Variants in TMEM171 observed in about 807,000 individuals in gnomAD.
TMEM171 encodes the protein proline-rich protein PRP2.
In TMEM171, 16 loss-of-function variants were observed where a neutral mutation model predicts 19.1. That is an observed-to-expected ratio of 0.84 (90% CI 0.57 to 1.27). TMEM171 has a LOEUF of 1.27. TMEM171 is among the 50% of genes most tolerant of loss of function. The pLI is 0.00. For missense variants in TMEM171, 429 were observed against 412.7 expected, an observed-to-expected ratio of 1.04 and a Z score of -0.34; for synonymous variants, 153 against 163.4, an observed-to-expected ratio of 0.94 and a Z score of 0.48.
intron 1 of TMEM171, among the ~76,000 whole-genome samples, chr5:73,121,470 G>A (rs1744006745): frequency 2.0e-5 from 3 of 152,130 alleles, no homozygotes; most frequent in Admixed American, 1.3e-4. Context: ...GAGAGTTTTG[G>A]AATGTACTCC....
At chr5:73,121,365 A>G (rs1287163900) in intron 1 of TMEM171, among the ~76,000 whole-genome samples, 1 of 152,218 alleles carries the variant, frequency 6.6e-6, no homozygotes, top group African/African-American at 2.4e-5. Flanking sequence ...AAACCGCAAA[A>G]GAGATTGCAT....
In TMEM171 at chr5:73,128,474, C is replaced by T. The variant is rs767508663; in HGVS notation, c.725C>T (p.Thr242Ile). ...SASAVAESPG[T>I]NSLLPNENPP... ...TCTGCGGTCGCTGAGAGTCCTGGAA[C>T]TAACAGTCTGCTTCCGAATGAAAAC... The change falls in exon 3 of 4, where the codon ACT becomes ATT. Residue 242 changes from threonine to isoleucine, a missense_variant. Physicochemically the swap from Thr to Ile is moderately conservative, Grantham distance 89 (BLOSUM62 -1). Coordinates refer to ENST00000454765, the MANE Select transcript of TMEM171 (RefSeq NM_173490.8). 4.3e-6 allele frequency: 7 copies of T among 1,614,002 alleles called. No individual in the cohort carries two copies. Among genetic ancestry groups the T allele is most frequent in the African/African-American group, 1.3e-5 (1 of 74,898 alleles).
At chr5:73,126,613 T>C (rs1744169669) in intron 2 of TMEM171, among the ~76,000 whole-genome samples, 2 of 152,196 alleles carry the variant, frequency 1.3e-5, no homozygotes, top group African/African-American at 4.8e-5. Context: ...ATCTAGTCCT[T>C]CCTTCTATCT....
At chr5:73,127,658 TG>T (rs1339464299) in intron 2 of TMEM171, among the ~76,000 whole-genome samples, 2 of 151,542 alleles carry the variant, frequency 1.3e-5, no homozygotes, top group Non-Finnish European at 2.9e-5. Context: ...TTGGCCAGGC[TG>T]GTCTTGAACT....
intron 2 of TMEM171, among the ~76,000 whole-genome samples, chr5:73,124,522 C>A (rs1561512317): frequency 6.6e-6 from 1 of 152,198 alleles, no homozygotes; most frequent in Non-Finnish European, 1.5e-5. Context: ...TGAGCAGTGC[C>A]TCTCTAAGAT....
Position 73,131,775 on chromosome 5 carries a change from T to A in TMEM171, c.*45T>A. 6.9e-7 allele frequency: 1 copy of A among 1,458,686 alleles called. No individual in the cohort carries two copies. The highest frequency in any genetic ancestry group is 9.1e-7 in the Non-Finnish European group (1 of 1,095,914). The allele number at this position is 1,458,686 out of a possible 1,614,324, so 90.4% of individuals were successfully genotyped here. A position where few individuals can be genotyped will look rare whatever the true frequency, so the allele number is the denominator to read the frequency against. ...TTTTATATGCAATGGATCACTATTT[T>A]ATTTAATTTTTTTTAAATAAAAAAT... On this transcript the variant is annotated 3_prime_UTR_variant, in exon 4 of 4. Coordinates refer to ENST00000454765, the MANE Select transcript of TMEM171 (RefSeq NM_173490.8).
chr5:73,120,877 C>A (rs563010862), intron 1 of TMEM171, among the ~76,000 whole-genome samples, 181 bp downstream of exon 1: 2 of 152,324 alleles, frequency 1.3e-5, no homozygotes, highest in African/African-American at 4.8e-5. Flanking sequence ...AGCCGCAAAC[C>A]GATTTCGCAC....
At chr5:73,123,208 C>A in intron 1 of TMEM171, 98 bp from the exon 2 acceptor site, 1 of 1,024,302 alleles carries the variant, frequency 9.8e-7, no homozygotes, top group Non-Finnish European at 1.4e-6. Context: ...ACCCCCAAGG[C>A]CTCATTGTGG....
chr5:73,126,041 A>G (rs1744154348), intron 2 of TMEM171, among the ~76,000 whole-genome samples: 1 of 152,204 alleles, frequency 6.6e-6, no homozygotes, highest in Admixed American at 6.5e-5. Flanking sequence ...TGAAAGACGC[A>G]TGAAAGGGAA....
In TMEM171 at chr5:73,131,649, T is replaced by C; in HGVS notation, c.894T>C (p.Ser298=). 3 of 1,614,046 alleles carry C rather than the reference T, an allele frequency of 1.9e-6. No homozygotes were observed. The highest frequency in any genetic ancestry group is 1.7e-6 in the Non-Finnish European group (2 of 1,179,966). The change falls in exon 4 of 4, where the codon TCT becomes TCC. Residue 298 remains serine, a synonymous_variant. Transcript: ENST00000454765. ...SEASHTPHLP[S]ELPPRYEEKE... is the part of the protein sequence containing the mutation. Reference sequence around the variant, plus strand: ...CCTCACACACTCCACATCTTCCATCTGAATTGCCTCCTAGATATGAAGAAA... The same window carrying C: ...CCTCACACACTCCACATCTTCCATCCGAATTGCCTCCTAGATATGAAGAAA...
At chr5:73,127,384 A>AAAAAAAAAAAAATATATATATATAT in intron 2 of TMEM171, among the ~76,000 whole-genome samples, 25 of 81,662 alleles carry the variant, frequency 3.1e-4, no homozygotes, top group Non-Finnish European at 5.5e-4. Flanking sequence ...AAAAAAAAAA[A>AAAAAAAAAAAAATATATATATATAT]ATATATATAT....
chr5:73,123,718 TG>T lies in TMEM171; in HGVS notation c.348del (p.Leu118CysfsTer3), dbSNP rs1223802609. 6.2e-7 allele frequency: 1 copy of T among 1,614,078 alleles called. No individual in the cohort carries two copies. Among genetic ancestry groups the T allele is most frequent in the Non-Finnish European group, 8.5e-7 (1 of 1,180,036 alleles). The stretch of plus-strand genomic sequence containing the variant: ...GCCAGTTTGCCCAGTGCCTTATCTT[TG>T]GGTTTCTGTTCTTGACAAGCGGCAT... ...SRQFAQCLIF[G>X]FLFLTSGMLI... On this transcript the variant is annotated frameshift_variant, in exon 2 of 4. Transcript: ENST00000454765. LOFTEE classifies it high-confidence loss of function.
rs768779831 is a variant in TMEM171 at position 73,131,761 on chromosome 5, A to G, written c.*31A>G. The stretch of plus-strand genomic sequence containing the variant: ...GGACTCTAGTTCAGTTTTATATGCA[A>G]TGGATCACTATTTTATTTAATTTTT... On this transcript the variant is annotated 3_prime_UTR_variant, in exon 4 of 4. Coordinates refer to ENST00000454765, the MANE Select transcript of TMEM171 (RefSeq NM_173490.8). 3.4e-5 allele frequency: 51 copies of G among 1,499,420 alleles called. No homozygotes were observed. The highest frequency in any genetic ancestry group is 4.6e-5 in the Non-Finnish European group (51 of 1,120,110). The allele number at this position is 1,499,420 out of a possible 1,614,324, so 92.9% of individuals were successfully genotyped here.
At position 73,128,393 on chromosome 5, in the gene TMEM171, A is replaced by G. The variant is rs750534089; in HGVS notation, c.644A>G (p.Asp215Gly). The stretch of plus-strand genomic sequence containing the variant: ...ACTAAATATTGTTTTGCCTTAGGTG[A>G]CTCGGTAATAATATTTCCACCCCCT... ...IMEPVQVTVG[D>G]SVIIFPPPPP... Residue 215 changes from aspartate to glycine, a missense_variant, in exon 3 of 4, where the codon GAC becomes GGC. Physicochemically the swap from Asp to Gly is moderately conservative, Grantham distance 94. Transcript: ENST00000454765. 2.5e-6 allele frequency: 4 copies of G among 1,613,686 alleles called. No individual in the cohort carries two copies. The highest frequency in any genetic ancestry group is 3.4e-6 in the Non-Finnish European group (4 of 1,179,934).
chr5:73,128,306 C>G (rs780649065), intron 2 of TMEM171, 84 bp from the exon 3 acceptor site: 1 of 1,535,588 alleles, frequency 6.5e-7, no homozygotes, highest in East Asian at 2.3e-5. Flanking sequence ...TATAGATGGG[C>G]CAAATATATA....
intron 3 of TMEM171, 125 bp downstream of exon 3, chr5:73,128,656 A>G: frequency 7.8e-7 from 1 of 1,286,724 alleles, no homozygotes; most frequent in Non-Finnish European, 1.1e-6. Context: ...TGTCAGAATT[A>G]GTGTCTTGAT....
At chr5:73,127,384 A>ATATATATATAT (rs1554078607) in intron 2 of TMEM171, among the ~76,000 whole-genome samples, 21 of 81,678 alleles carry the variant, frequency 2.6e-4, no homozygotes, top group African/African-American at 1.2e-3. Context: ...AAAAAAAAAA[A>ATATATATATAT]ATATATATAT....
At chr5:73,126,689 G>A (rs1206987765) in intron 2 of TMEM171, among the ~76,000 whole-genome samples, 3 of 152,284 alleles carry the variant, frequency 2.0e-5, no homozygotes, top group South Asian at 2.1e-4. Flanking sequence ...CAAGGAGGTC[G>A]CCTAGCTTGT....
chr5:73,121,585 T>C (rs1391702374), intron 1 of TMEM171, among the ~76,000 whole-genome samples: 1 of 152,264 alleles, frequency 6.6e-6, no homozygotes, highest in Admixed American at 6.5e-5. Context: ...ATTAGTGCAA[T>C]GCTTTGTCTC....
Sources: allele counts gnomAD v4.1 joint callset (sites outside exome capture counted in the v4.1 genomes callset), GRCh38; gene constraint gnomAD v4.1.1; transcripts MANE v1.5; gene names NCBI Gene and HGNC (gene_info 2026-07-23, HGNC 2026-07-21).